The following PHC3 variants were observed in gnomAD, a reference collection of about 807,000 sequenced individuals.
PHC3 encodes polyhomeotic homolog 3, also known as polyhomeotic-like protein 3.
Under a neutral mutation model 107.4 loss-of-function variants are expected in PHC3, and 13 were observed. The observed-to-expected ratio is 0.12, with a 90% CI of 0.08 to 0.19. PHC3 has a LOEUF of 0.19. Among genes scored for constraint, PHC3 ranks in the 10% least tolerant of loss-of-function variants. The pLI is 1.00. For synonymous variants in PHC3, 456 were observed against 427.4 expected (o/e 1.07, Z -0.83); for missense variants, 992 against 1,210.9 (o/e 0.82, Z 2.68).
At chr3:170,098,094 C>T (rs1714875514) in intron 14 of PHC3, among the ~76,000 whole-genome samples, 1 of 152,084 alleles carries the variant, frequency 6.6e-6, no homozygotes, top group East Asian at 1.9e-4. Flanking sequence ...TGCCATATAA[C>T]CAATATTTTA....
intron 9 of PHC3, among the ~76,000 whole-genome samples, chr3:170,118,241 T>C (rs923423224): frequency 6.6e-6 from 1 of 152,008 alleles, no homozygotes; most frequent in Admixed American, 6.6e-5. Flanking sequence ...ACAGAACAAG[T>C]AGATTTATTT....
chr3:170,136,294 T>A (rs1030767174), intron 7 of PHC3, 125 bp downstream of exon 7: 2 of 1,180,714 alleles, frequency 1.7e-6, no homozygotes, highest in Non-Finnish European at 2.3e-6. Flanking sequence ...ATTAAGTTTA[T>A]AAAATTCACA....
chr3:170,107,655 A>G (rs1716826947), intron 11 of PHC3, among the ~76,000 whole-genome samples: 1 of 150,004 alleles, frequency 6.7e-6, no homozygotes, highest in Non-Finnish European at 1.5e-5. Context: ...CCTTTTAGTT[A>G]TATTGCATTA....
chr3:170,100,463 T>G (rs893907863), intron 14 of PHC3, among the ~76,000 whole-genome samples: 1 of 152,162 alleles, frequency 6.6e-6, no homozygotes, highest in Non-Finnish European at 1.5e-5. Context: ...AGCTTATTAT[T>G]TGGCCTGTCA....
chr3:170,176,225 C>CAAAAA, intron 2 of PHC3, among the ~76,000 whole-genome samples: 1 of 82,348 alleles, frequency 1.2e-5, no homozygotes, highest in East Asian at 3.1e-4. Flanking sequence ...GACTCGGTCT[C>CAAAAA]AAAAAAAAAA....
Position 170,102,721 on chromosome 3 carries a change from T to C in PHC3, c.2602-11A>G, listed in dbSNP as rs1484503578. The C allele has an allele frequency of 5.0e-6, 8 of 1,613,852 alleles. No homozygotes were observed. Among genetic ancestry groups the C allele is most frequent in the East Asian group, 4.5e-5 (2 of 44,876 alleles). On this transcript the variant is annotated splice_polypyrimidine_tract_variant and intron_variant, in intron 13 of 14. Coordinates refer to ENST00000495893, the MANE Select transcript of PHC3 (RefSeq NM_024947.4). ...ATAAGTAATTGGAAGCTGGAAAATG[T>C]AGTACAAGCAAAATACAGCATTGCA...
At chr3:170,130,313 T>C (rs1167790892) in intron 7 of PHC3, among the ~76,000 whole-genome samples, 2 of 152,184 alleles carry the variant, frequency 1.3e-5, no homozygotes, top group Non-Finnish European at 2.9e-5. Context: ...TTCTAATCCA[T>C]ATCTAAACGT....
rs114426569 is a variant in PHC3 at position 170,160,840 on chromosome 3, G to A, written c.414+10533C>T. 3.1e-3 allele frequency among the ~76,000 whole-genome samples: 470 copies of A among 152,320 alleles called. 1 individual carries two copies. The highest frequency in any genetic ancestry group is 4.5e-3 in the Non-Finnish European group (308 of 68,024). ...GAGAATCGCTTCAACCTGGGAAGCA[G>A]AGGTTCTAGTGAGCCAAGATCGTGC... On this transcript the variant is annotated intron_variant, in intron 4 of 14. Coordinates refer to ENST00000495893, the MANE Select transcript of PHC3 (RefSeq NM_024947.4).
chr3:170,178,472 GTATCTTGCTCTC>G (rs1416113399), intron 2 of PHC3, among the ~76,000 whole-genome samples: 3 of 152,200 alleles, frequency 2.0e-5, no homozygotes, highest in African/African-American at 7.2e-5. Context: ...TGCAAATTTG[GTATCTTGCTCTC>G]TAGTCTTCCA....
At chr3:170,151,837 T>C (rs1017301015) in intron 4 of PHC3, among the ~76,000 whole-genome samples, 5 of 152,134 alleles carry the variant, frequency 3.3e-5, no homozygotes, top group Non-Finnish European at 7.4e-5. Context: ...TACGGTTCCA[T>C]AACCCAGCCC....
intron 1 of PHC3, among the ~76,000 whole-genome samples, chr3:170,180,685 A>C (rs1731244704): frequency 6.6e-6 from 1 of 151,798 alleles, no homozygotes; most frequent in Non-Finnish European, 1.5e-5. Flanking sequence ...GCTGCCTGTC[A>C]TACTACTACC....
Position 170,150,817 on chromosome 3 carries a change from T to C in PHC3, c.415-1573A>G, listed in dbSNP as rs571293646. On this transcript the variant is annotated intron_variant, in intron 4 of 14. Transcript: ENST00000495893. The stretch of plus-strand genomic sequence containing the variant: ...AACTGGTTGTATCTATAAAGAGACA[T>C]TGGAGTGGGGTGGCTAGGGTAATAG... 6.9e-4 allele frequency: 210 copies of C among 303,916 alleles called. 1 individual carries two copies. The highest frequency in any genetic ancestry group is 4.4e-3 in the African/African-American group (190 of 43,030). 18.8% of individuals were successfully genotyped at this position (303,916 alleles called of 1,614,324 possible).
intron 12 of PHC3, among the ~76,000 whole-genome samples, chr3:170,106,241 A>G (rs1007257156): frequency 6.6e-6 from 1 of 152,182 alleles, no homozygotes; most frequent in Non-Finnish European, 1.5e-5. Flanking sequence ...AAACAAAAAA[A>G]TACTACTTAT....
chr3:170,176,803 T>A (rs1018397273), intron 2 of PHC3: 5 of 422,212 alleles, frequency 1.2e-5, no homozygotes, highest in South Asian at 6.8e-5. Flanking sequence ...TCTAGATACT[T>A]CATTAATCTC....
In PHC3 at chr3:170,175,662, C is replaced by A. The variant is rs1337166674; in HGVS notation, c.181-2950G>T. 2.6e-5 allele frequency among the ~76,000 whole-genome samples: 4 copies of A among 150,958 alleles called. No homozygotes were observed. The East Asian group carries it at 7.8e-4, about 29-fold the overall frequency. On this transcript the variant is annotated intron_variant, in intron 2 of 14. Transcript: ENST00000495893. ...GGGGGGGGCCAGGCGCAGTGGCTCACGCCTATAATCCCAGCACTTTGGGAG... is the reference window on the plus strand; with the variant it reads ...GGGGGGGGCCAGGCGCAGTGGCTCAAGCCTATAATCCCAGCACTTTGGGAG...
At chr3:170,115,953 A>C (rs1718882207) in intron 10 of PHC3, among the ~76,000 whole-genome samples, 1 of 152,114 alleles carries the variant, frequency 6.6e-6, no homozygotes, top group Admixed American at 6.6e-5. Flanking sequence ...ATCATAATGC[A>C]AGATTTTCAC....
chr3:170,096,576 CTAAA>C lies in PHC3; in HGVS notation c.*650_*653del, dbSNP rs1043326000. 6.6e-6 allele frequency: 1 copy of C among 152,086 alleles called. No homozygotes were observed. Among genetic ancestry groups the C allele is most frequent in the African/African-American group, 2.4e-5 (1 of 41,392 alleles). The allele number at this position is 152,086 out of a possible 1,614,324, so 9.4% of individuals were successfully genotyped here. On this transcript the variant is annotated 3_prime_UTR_variant, in exon 15 of 15. Transcript: ENST00000495893. Reference sequence around the variant, plus strand: ...CTGACCTCCACTGAGAACCACTGCTCTAAATAAATGTACAAAAACTGAGAGGAAA... The same window carrying C: ...CTGACCTCCACTGAGAACCACTGCTCTAAATGTACAAAAACTGAGAGGAAA...
At chr3:170,125,942 A>G in intron 8 of PHC3, 2 of 964,510 alleles carry the variant, frequency 2.1e-6, no homozygotes, top group South Asian at 9.6e-5. Context: ...TCTAAAAATA[A>G]CAAAGACTGC....
intron 4 of PHC3, among the ~76,000 whole-genome samples, chr3:170,161,881 T>C (rs1163972689): frequency 6.6e-6 from 1 of 152,178 alleles, no homozygotes; most frequent in East Asian, 1.9e-4. Flanking sequence ...ATGACTTCCT[T>C]TAACTTCTAT....
Sources: gnomAD v4.1 joint callset for allele counts (sites outside exome capture counted in the v4.1 genomes callset) on GRCh38, gnomAD v4.1.1 for gene constraint, MANE v1.5 for transcripts, NCBI Gene and HGNC (gene_info 2026-07-23, HGNC 2026-07-21) for gene names.